Variants in CEP89 observed in about 807,000 individuals in gnomAD.
CEP89 encodes centrosomal protein 89.
CEP89 carries 95 observed loss-of-function variants against 97.6 expected under a neutral mutation model. The observed-to-expected ratio is 0.97, with a 90% CI of 0.82 to 1.15. The LOEUF (loss-of-function observed/expected upper bound fraction) is 1.15. Among genes scored for constraint, CEP89 ranks in the 50% most tolerant of loss-of-function variants. The pLI is 0.00. For missense variants in CEP89, 869 were observed against 947.7 expected, an observed-to-expected ratio of 0.92 and a Z score of 1.09; for synonymous variants, 354 against 349.1, an observed-to-expected ratio of 1.01 and a Z score of -0.16.
rs187399784 is a variant in CEP89 at position 32,917,368 on chromosome 19, C to T, written c.1384+856G>A. Among the ~76,000 whole-genome samples the T allele has an allele frequency of 6.3e-4, 96 of 152,296 alleles. 2 individuals carry two copies. The highest frequency in any genetic ancestry group is 4.7e-3 in the Admixed American group (72 of 15,292). On this transcript the variant is annotated intron_variant, in intron 13 of 18. Coordinates refer to ENST00000305768, the MANE Select transcript of CEP89 (RefSeq NM_032816.5). ...TGGGAGATGCTCTCATCTTTAAACA[C>T]GACCTGGTTCTCAGAAACAGGAAGT...
intron 5 of CEP89, among the ~76,000 whole-genome samples, chr19:32,942,949 G>A (rs577854787): frequency 1.4e-4 from 21 of 151,540 alleles, no homozygotes; most frequent in South Asian, 1.3e-3. Context: ...GAGCTCAAGC[G>A]ATCTTCCTGC....
intron 11 of CEP89, among the ~76,000 whole-genome samples, chr19:32,925,423 G>A (rs188139881): frequency 1.0e-3 from 156 of 150,762 alleles, no homozygotes; most frequent in African/African-American, 3.6e-3. Context: ...CTAGAATTAA[G>A]AAGCATCTAA....
In CEP89 at chr19:32,887,770, C is replaced by T; in HGVS notation, c.1947G>A (p.Lys649=). ...KVIKSNIRLG[K]LEEKVKGYKK... ...CACTTACCTTGACTTTTTCCTCTAA[C>T]TTTCCCAGGCGAATGTTGCTTTTTA... is the stretch of plus-strand genomic sequence containing the variant. Residue 649 remains lysine, a synonymous_variant, in exon 17 of 19, where the codon AAG becomes AAA. Transcript: ENST00000305768. The T allele has an allele frequency of 2.5e-6, 4 of 1,611,784 alleles. 1 individual carries two copies. The Middle Eastern group carries it at 5.0e-4, about 199-fold the overall frequency.
chr19:32,886,631 G>A (rs1041450136), intron 17 of CEP89, among the ~76,000 whole-genome samples: 3 of 152,142 alleles, frequency 2.0e-5, no homozygotes, highest in Admixed American at 6.5e-5. Context: ...CGGGTGAGCC[G>A]GTTTTACTAT....
intron 14 of CEP89, among the ~76,000 whole-genome samples, chr19:32,902,296 G>A (rs544145006): frequency 8.5e-5 from 13 of 152,166 alleles, no homozygotes; most frequent in African/African-American, 1.9e-4. Context: ...CTTTACCAGC[G>A]CAGCAGGAAT....
chr19:32,876,573 C>T lies in CEP89; in HGVS notation c.*2589G>A, dbSNP rs921332909. On this transcript the variant is annotated 3_prime_UTR_variant, in exon 19 of 19. Transcript: ENST00000305768. ...GGGCCCTCTCCACCCTTCTGTAGCT[C>T]CTGAAACCTTGTCCACTCTGCAAGG... The T allele has an allele frequency of 6.5e-6, 1 of 152,974 alleles. No homozygotes were observed. The highest frequency in any genetic ancestry group is 1.5e-5 in the Non-Finnish European group (1 of 68,666). The allele number at this position is 152,974 out of a possible 1,614,324, so 9.5% of individuals were successfully genotyped here. A position where few individuals can be genotyped will look rare whatever the true frequency, so the allele number is the denominator to read the frequency against.
At chr19:32,932,786 A>T (rs200199612) in intron 8 of CEP89, among the ~76,000 whole-genome samples, 20 of 91,882 alleles carry the variant, frequency 2.2e-4, no homozygotes, top group Non-Finnish European at 2.3e-4. Context: ...AAAAAAAATT[A>T]AAAAAAAAAA....
chr19:32,966,501 T>TGGGTCACTGGATC lies in CEP89; in HGVS notation c.40-48_40-36dup, dbSNP rs749117418. On this transcript the variant is annotated intron_variant, in intron 1 of 18. Coordinates refer to ENST00000305768, the MANE Select transcript of CEP89 (RefSeq NM_032816.5). ...TGAAATCCAACAGAAGTCACTGGGT[T>TGGGTCACTGGATC]GGGTCACTGGATCACCTGAGTCTTG... The TGGGTCACTGGATC allele has an allele frequency of 3.7e-6, 5 of 1,338,808 alleles. No individual in the cohort carries two copies. The Middle Eastern group carries it at 6.2e-4, about 166-fold the overall frequency. 82.9% of individuals were successfully genotyped at this position (1,338,808 alleles called of 1,614,324 possible). A position where few individuals can be genotyped will look rare whatever the true frequency, so the allele number is the denominator to read the frequency against.
intron 16 of CEP89, among the ~76,000 whole-genome samples, chr19:32,899,576 T>C (rs924073383): frequency 1.3e-5 from 2 of 152,184 alleles, no homozygotes; most frequent in African/African-American, 2.4e-5. Context: ...CAACTTATGA[T>C]GGTTCAATCT....
chr19:32,925,252 T>A (rs1324710582), intron 11 of CEP89, among the ~76,000 whole-genome samples: 1 of 120,202 alleles, frequency 8.3e-6, no homozygotes, highest in African/African-American at 3.0e-5. Flanking sequence ...ACAGGAGGCA[T>A]CTACAACACC....
intron 4 of CEP89, among the ~76,000 whole-genome samples, chr19:32,952,348 C>T (rs1460495582): frequency 6.7e-6 from 1 of 148,292 alleles, no homozygotes; most frequent in African/African-American, 2.5e-5. Context: ...AGTTGTGGTG[C>T]CGCGTGCCTA....
intron 12 of CEP89, among the ~76,000 whole-genome samples, chr19:32,920,355 C>G (rs921898482): frequency 3.9e-5 from 6 of 152,178 alleles, no homozygotes; most frequent in Admixed American, 2.6e-4. Context: ...ATTAGGATTA[C>G]AGGGGTGAAC....
chr19:32,967,592 G>A (rs910339967), intron 1 of CEP89, among the ~76,000 whole-genome samples: 1 of 152,138 alleles, frequency 6.6e-6, no homozygotes, highest in Non-Finnish European at 1.5e-5. Context: ...ACAAAGTGCT[G>A]GGGTGGGCAG....
chr19:32,931,504 C>T lies in CEP89; in HGVS notation c.954G>A (p.Leu318=). The T allele has an allele frequency of 7.5e-6, 12 of 1,590,426 alleles. No individual in the cohort carries two copies. The highest frequency in any genetic ancestry group is 1.0e-5 in the Non-Finnish European group (12 of 1,174,618). ...CATTCAAACGATGGACAGTCATTTT[C>T]AATCCATCATTTTCATCCACCAGTT... ...AQELVDENDG[L]KMTVHRLNVE... The change falls in exon 9 of 19, where the codon TTG becomes TTA. Residue 318 remains leucine, a synonymous_variant. Transcript: ENST00000305768.
chr19:32,916,724 T>C (rs1970134361), intron 13 of CEP89, among the ~76,000 whole-genome samples: 1 of 152,148 alleles, frequency 6.6e-6, no homozygotes, highest in Non-Finnish European at 1.5e-5. Context: ...AAATATCTAA[T>C]TGGTGGCTGG....
At position 32,915,416 on chromosome 19, in the gene CEP89, T is replaced by C. The variant is rs145305063; in HGVS notation, c.1486A>G (p.Lys496Glu). 6.2e-7 allele frequency: 1 copy of C among 1,614,042 alleles called. No homozygotes were observed. The highest frequency in any genetic ancestry group is 8.5e-7 in the Non-Finnish European group (1 of 1,179,978). The change falls in exon 14 of 19, where the codon AAA becomes GAA. Residue 496 changes from lysine (K) to glutamate (E), a missense_variant. Physicochemically the swap from Lys to Glu is moderately conservative, Grantham distance 56 (BLOSUM62 1). Transcript: ENST00000305768. ...GAGTGTGTTTTGAGTTCTTGGCATT[T>C]GGCACGTAAAATCTCCAGCTGTTCC... ...NREQLEILRAKCQELKTHSDG... is the reference protein window; with the variant it reads ...NREQLEILRAECQELKTHSDG...
intron 13 of CEP89, among the ~76,000 whole-genome samples, chr19:32,916,229 G>A (rs1481263515): frequency 6.6e-6 from 1 of 152,136 alleles, no homozygotes; most frequent in Non-Finnish European, 1.5e-5. Flanking sequence ...AGTGAGCCGT[G>A]ACTGGGCCAC....
chr19:32,960,411 T>C (rs917033613), intron 2 of CEP89, among the ~76,000 whole-genome samples: 1 of 152,078 alleles, frequency 6.6e-6, no homozygotes, highest in Non-Finnish European at 1.5e-5. Flanking sequence ...AAATGAGATA[T>C]AGAAAGACTA....
Position 32,952,795 on chromosome 19 carries a change from T to C in CEP89, c.492+820A>G, listed in dbSNP as rs192421630. On this transcript the variant is annotated intron_variant, in intron 4 of 18. Coordinates refer to ENST00000305768, the MANE Select transcript of CEP89 (RefSeq NM_032816.5). ...GGTGTGTGTCTGTAGTCCCAGCTACTTGGGAGGCTGAGGTGGGAGGATCAC... is the reference window on the plus strand; with the variant it reads ...GGTGTGTGTCTGTAGTCCCAGCTACCTGGGAGGCTGAGGTGGGAGGATCAC... Among the ~76,000 whole-genome samples, 206 of 149,546 alleles carry C rather than the reference T, an allele frequency of 1.4e-3. 1 individual carries two copies. The highest frequency in any genetic ancestry group is 4.9e-3 in the African/African-American group (198 of 40,700).
Sources: gnomAD v4.1 joint callset for allele counts (sites outside exome capture counted in the v4.1 genomes callset) on GRCh38, gnomAD v4.1.1 for gene constraint, MANE v1.5 for transcripts, NCBI Gene and HGNC (gene_info 2026-07-23, HGNC 2026-07-21) for gene names.